SYTL5: variants seen among roughly 807,000 people sequenced by gnomAD.
SYTL5 encodes synaptotagmin like 5.
SYTL5 carries 34 observed loss-of-function variants against 55.9 expected under a neutral mutation model. The ratio of observed to expected loss-of-function variants is 0.61; its 90% CI spans 0.46 to 0.81. SYTL5 has a LOEUF of 0.81. SYTL5 is among the 30% of genes least tolerant of loss of function. The pLI is 0.00. For missense variants in SYTL5, 637 were observed against 546.7 expected, an observed-to-expected ratio of 1.17 and a Z score of -1.65; for synonymous variants, 221 against 188.7, an observed-to-expected ratio of 1.17 and a Z score of -1.40.
rs1191029508 is a variant in SYTL5 at position 38,122,191 on chromosome X, G to T, written c.1817G>T (p.Gly606Val). The T allele has an allele frequency of 8.3e-7, 1 of 1,205,911 alleles. No homozygotes were observed. The highest frequency in any genetic ancestry group is 1.8e-5 in the African/African-American group (1 of 57,066). Residue 606 changes from glycine (G) to valine (V), a missense_variant, in exon 15 of 17, where the codon GGC becomes GTC. Gly to Val is a moderately radical substitution (Grantham distance 109, BLOSUM62 -3). Coordinates refer to ENST00000297875, the MANE Select transcript of SYTL5 (RefSeq NM_138780.3). ...AATTTGACAGCAGTGAAGTCAGGAG[G>T]CACTTCTGATAGCTTTGTGAAGGGG... Reference protein sequence around the residue: ...AKNLTAVKSGGTSDSFVKGYL... With the variant: ...AKNLTAVKSGVTSDSFVKGYL...
chrX:38,034,010 T>C lies in SYTL5; in HGVS notation c.119+2T>C, dbSNP rs988176736. ...AAAAGTGGAGGACAAGAGAATAAGGTAGTATTCTTTTTATTTTTTCAGTCC... is the reference window on the plus strand; with the variant it reads ...AAAAGTGGAGGACAAGAGAATAAGGCAGTATTCTTTTTATTTTTTCAGTCC... On this transcript the variant is annotated splice_donor_variant, in intron 2 of 16. Coordinates refer to ENST00000297875, the MANE Select transcript of SYTL5 (RefSeq NM_138780.3). LOFTEE classifies it high-confidence loss of function. The C allele has an allele frequency of 9.3e-7, 1 of 1,070,457 alleles. No homozygotes were observed. The highest frequency in any genetic ancestry group is 1.3e-6 in the Non-Finnish European group (1 of 783,906). The allele number at this position is 1,070,457 out of a possible 1,213,427, so 88.2% of individuals were successfully genotyped here.
At chrX:37,977,700 TCACACACACACACACACACACA>T in the SYTL5 span, among the ~76,000 whole-genome samples, 2 of 82,558 alleles carry the variant, frequency 2.4e-5, no homozygotes, top group African/African-American at 8.7e-5. Flanking sequence ...GGACCAATGA[TCACACACACACACACACACACA>T]CACACACACA....
the SYTL5 span, among the ~76,000 whole-genome samples, chrX:37,950,968 G>T: frequency 9.1e-6 from 1 of 110,107 alleles, no homozygotes; most frequent in Admixed American, 9.8e-5. Context: ...TGAAGAGCCT[G>T]AGTAGAACAA....
intron 5 of SYTL5, among the ~76,000 whole-genome samples, chrX:38,075,835 A>T (rs1217273379): frequency 8.9e-6 from 1 of 111,784 alleles, no homozygotes; most frequent in African/African-American, 3.3e-5. Context: ...TGCCATTACA[A>T]AAAGGAATAT....
intron 13 of SYTL5, among the ~76,000 whole-genome samples, chrX:38,118,137 T>C (rs1314209720): frequency 8.9e-6 from 1 of 111,969 alleles, no homozygotes; most frequent in African/African-American, 3.2e-5. Context: ...ACAAGGAACC[T>C]GATCTAAAAT....
chrX:37,962,620 C>T, the SYTL5 span, among the ~76,000 whole-genome samples: 1 of 111,815 alleles, frequency 8.9e-6, no homozygotes, highest in Non-Finnish European at 1.9e-5. Flanking sequence ...AATGGTATTT[C>T]TAGTTCTAGA....
At chrX:38,083,051 A>C (rs1936573706) in intron 6 of SYTL5, among the ~76,000 whole-genome samples, 1 of 111,768 alleles carries the variant, frequency 8.9e-6, no homozygotes, top group African/African-American at 3.3e-5. Context: ...TTAGTTGCTG[A>C]AAGTTAAGTT....
chrX:38,095,506 T>A (rs893889820), intron 8 of SYTL5, among the ~76,000 whole-genome samples: 1 of 112,053 alleles, frequency 8.9e-6, no homozygotes, highest in African/African-American at 3.2e-5. Context: ...CTTGGTAAGC[T>A]GTCCAAAGCA....
chrX:37,953,741 G>T, the SYTL5 span, among the ~76,000 whole-genome samples: 1 of 111,954 alleles, frequency 8.9e-6, no homozygotes, highest in Admixed American at 9.5e-5. Context: ...TGGCTAGAGA[G>T]TTGGGGACCC....
the SYTL5 span, among the ~76,000 whole-genome samples, chrX:37,947,229 T>G: frequency 1.8e-5 from 2 of 111,698 alleles, no homozygotes; most frequent in Admixed American, 9.5e-5. Flanking sequence ...CTGTGCATCA[T>G]AAGACATTTC....
intron 3 of SYTL5, among the ~76,000 whole-genome samples, chrX:38,060,932 A>T (rs890924793): frequency 8.9e-6 from 1 of 112,248 alleles, no homozygotes; most frequent in African/African-American, 3.2e-5. Flanking sequence ...TAATCCATTC[A>T]TTAACCCATC....
chrX:37,944,657 C>A, the SYTL5 span, among the ~76,000 whole-genome samples: 1 of 111,997 alleles, frequency 8.9e-6, no homozygotes, highest in East Asian at 2.8e-4. Flanking sequence ...AGAGACAATC[C>A]TTAGCCAATG....
the SYTL5 span, among the ~76,000 whole-genome samples, chrX:37,985,343 GA>G: frequency 1.8e-5 from 2 of 110,655 alleles, no homozygotes; most frequent in East Asian, 5.6e-4. Context: ...TGTAAACAAA[GA>G]AAAAATGTTA....
intron 1 of SYTL5, among the ~76,000 whole-genome samples, chrX:38,007,776 A>G (rs776138999): frequency 9.0e-6 from 1 of 111,521 alleles, no homozygotes; most frequent in Non-Finnish European, 1.9e-5. Flanking sequence ...TGCATCCCTC[A>G]GTATATATAT....
At chrX:37,971,175 T>C in the SYTL5 span, among the ~76,000 whole-genome samples, 1 of 111,454 alleles carries the variant, frequency 9.0e-6, no homozygotes, top group Non-Finnish European at 1.9e-5. Flanking sequence ...TATAGACGTA[T>C]TAAGCATGCC....
chrX:37,997,110 C>T, the SYTL5 span, among the ~76,000 whole-genome samples: 1 of 112,410 alleles, frequency 8.9e-6, no homozygotes, highest in African/African-American at 3.2e-5. Context: ...TAGCTGCTAC[C>T]CCATTAAGAC....
At chrX:38,072,848 G>T (rs1463820268) in intron 4 of SYTL5, among the ~76,000 whole-genome samples, 1 of 112,319 alleles carries the variant, frequency 8.9e-6, no homozygotes, top group African/African-American at 3.2e-5. Context: ...CCTTGTGATT[G>T]GGAGCATGTT....
At chrX:37,924,043 C>T in the SYTL5 span, among the ~76,000 whole-genome samples, 2 of 111,714 alleles carry the variant, frequency 1.8e-5, no homozygotes, top group Admixed American at 1.9e-4. Context: ...ACAGATGCCA[C>T]TCTCATAAAG....
At chrX:38,108,733 G>A (rs1039679579) in intron 12 of SYTL5, 34 bp downstream of exon 12, 19 of 943,787 alleles carry the variant, frequency 2.0e-5, no homozygotes, top group Non-Finnish European at 2.7e-5. Context: ...AACTCATGTG[G>A]TACTGTTCAC....
Sources: gnomAD v4.1 joint callset for allele counts (sites outside exome capture counted in the v4.1 genomes callset) on GRCh38, gnomAD v4.1.1 for gene constraint, MANE v1.5 for transcripts, NCBI Gene and HGNC (gene_info 2026-07-23, HGNC 2026-07-21) for gene names.